The following NLK variants were observed in gnomAD, a reference collection of about 807,000 sequenced individuals.
NLK encodes the protein serine/threonine-protein kinase NLK.
Under a neutral mutation model 59.0 loss-of-function variants are expected in NLK, and 11 were observed. The ratio of observed to expected loss-of-function variants is 0.19; its 90% confidence interval spans 0.12 to 0.31. NLK has a LOEUF of 0.31. NLK is among the 10% of genes least tolerant of loss of function. The pLI is 1.00. For missense variants in NLK, 410 were observed against 661.1 expected, an observed-to-expected ratio of 0.62 and a Z score of 4.16; for synonymous variants, 235 against 235.9, an observed-to-expected ratio of 1.00 and a Z score of 0.03.
intron 1 of NLK, 69 bp from the exon 2 acceptor site, chr17:28,122,534 T>C (rs1013798953): frequency 1.2e-5 from 18 of 1,532,668 alleles, no homozygotes; most frequent in South Asian, 1.1e-4. Context: ...ATCTGAAACA[T>C]TGGAAAACAA....
intron 2 of NLK, among the ~76,000 whole-genome samples, chr17:28,129,659 C>T (rs890846874): frequency 2.6e-5 from 4 of 151,998 alleles, no homozygotes; most frequent in African/African-American, 9.7e-5. Context: ...AAAAGAGTAG[C>T]TCCTTTGCTA....
intron 4 of NLK, among the ~76,000 whole-genome samples, chr17:28,162,345 C>A (rs1463607433): frequency 2.0e-5 from 3 of 152,086 alleles, no homozygotes; most frequent in Non-Finnish European, 4.4e-5. Context: ...AAAAAACTCA[C>A]CTCCAGGCCA....
In NLK at chr17:28,195,508, CT is replaced by C. The variant is rs886630685; in HGVS notation, c.*876del. 3 of 152,146 alleles carry C rather than the reference CT, an allele frequency of 2.0e-5. No individual in the cohort carries two copies. Among genetic ancestry groups the C allele is most frequent in the Admixed American group, 2.0e-4 (3 of 15,218 alleles). 9.4% of individuals were successfully genotyped at this position (152,146 alleles called of 1,614,324 possible). A position where few individuals can be genotyped will look rare whatever the true frequency, so the allele number is the denominator to read the frequency against. ...TTTAGGTCTGTGAAATTTTGTGAGA[CT>C]TTTCCTGCACTGGACAGTAAAAAAA... On this transcript the variant is annotated 3_prime_UTR_variant, in exon 11 of 11. Transcript: ENST00000407008.
At chr17:28,145,762 G>A (rs1267443187) in intron 3 of NLK, among the ~76,000 whole-genome samples, 1 of 151,966 alleles carries the variant, frequency 6.6e-6, no homozygotes, top group Non-Finnish European at 1.5e-5. Context: ...CTGGAGTGCA[G>A]TGGCATGATC....
intron 1 of NLK, among the ~76,000 whole-genome samples, chr17:28,082,257 A>C (rs547013691): frequency 1.3e-5 from 2 of 152,208 alleles, no homozygotes; most frequent in African/African-American, 4.8e-5. Flanking sequence ...TCCATCTGCA[A>C]CTTATTAAGA....
intron 1 of NLK, among the ~76,000 whole-genome samples, chr17:28,064,174 CTTTT>C (rs66949112): frequency 1.0e-5 from 1 of 99,606 alleles, no homozygotes; most frequent in Admixed American, 1.2e-4. Flanking sequence ...AGTTAGCAAA[CTTTT>C]TTTTTTTTTT....
chr17:28,159,343 T>C (rs954499793), intron 3 of NLK, among the ~76,000 whole-genome samples: 5 of 152,168 alleles, frequency 3.3e-5, no homozygotes, highest in Non-Finnish European at 7.3e-5. Flanking sequence ...ATGCATCCAG[T>C]TTTGGATGAA....
rs137866267 is a variant in NLK at position 28,043,060 on chromosome 17, C to G, written c.187C>G (p.Pro63Ala). 5.1e-6 allele frequency: 8 copies of G among 1,564,752 alleles called. No individual in the cohort carries two copies. The highest frequency in any genetic ancestry group is 3.9e-5 in the Admixed American group (2 of 51,566). Residue 63 changes from proline (P) to alanine (A), a missense_variant, in exon 1 of 11, where the codon CCT (proline) becomes GCT (alanine). This residue lies in a region of NLK where 160 missense variants were observed against 171.0 expected (regional missense o/e 0.94). Transcript: ENST00000407008. ...LHPGSAAAVHPVQQHTSSAAA... is the reference protein window; with the variant it reads ...LHPGSAAAVHAVQQHTSSAAA... ...TCCGGGGTCGGCTGCCGCTGTACAC[C>G]CTGTACAGCAGCACACCTCTTCGGC...
chr17:28,154,200 C>T (rs1180601707), intron 3 of NLK, among the ~76,000 whole-genome samples: 1 of 152,168 alleles, frequency 6.6e-6, no homozygotes, highest in Non-Finnish European at 1.5e-5. Flanking sequence ...CAGAAAGTCT[C>T]AGGAATTGGA....
chr17:28,084,616 T>C (rs893503154), intron 1 of NLK, among the ~76,000 whole-genome samples: 1 of 151,820 alleles, frequency 6.6e-6, no homozygotes, highest in Non-Finnish European at 1.5e-5. Context: ...CAGGCTGGAG[T>C]GCGGTGGCGC....
intron 1 of NLK, among the ~76,000 whole-genome samples, chr17:28,063,355 T>G (rs1909729705): frequency 1.3e-5 from 2 of 152,194 alleles, no homozygotes. Flanking sequence ...TGTTGGATAC[T>G]TCAGTTTATA....
At chr17:28,202,049 T>G in the NLK span, among the ~76,000 whole-genome samples, 1 of 151,908 alleles carries the variant, frequency 6.6e-6, no homozygotes, top group South Asian at 2.1e-4. Flanking sequence ...TGATATTGAT[T>G]GATAGAGAAA....
intron 1 of NLK, among the ~76,000 whole-genome samples, chr17:28,116,059 T>C (rs954124318): frequency 1.3e-5 from 2 of 152,168 alleles, no homozygotes; most frequent in African/African-American, 4.8e-5. Flanking sequence ...ATTTCACCTA[T>C]TTATACTTAT....
At chr17:28,184,371 A>G (rs1445701904) in intron 7 of NLK, among the ~76,000 whole-genome samples, 2 of 152,124 alleles carry the variant, frequency 1.3e-5, no homozygotes, top group African/African-American at 2.4e-5. Context: ...GGCATGTTTG[A>G]TTATCATTCT....
chr17:28,180,719 G>A (rs552919404), intron 7 of NLK, among the ~76,000 whole-genome samples: 2 of 152,276 alleles, frequency 1.3e-5, no homozygotes, highest in African/African-American at 2.4e-5. Flanking sequence ...TCAATTGTAC[G>A]AATTGTCTGG....
chr17:28,186,705 T>C (rs1335652056), intron 8 of NLK, among the ~76,000 whole-genome samples: 1 of 152,150 alleles, frequency 6.6e-6, no homozygotes, highest in Non-Finnish European at 1.5e-5. Context: ...ATGAGACTTA[T>C]TCACTATCAC....
intron 1 of NLK, among the ~76,000 whole-genome samples, chr17:28,097,929 T>C (rs1904759710): frequency 1.3e-5 from 2 of 152,226 alleles, no homozygotes; most frequent in South Asian, 4.1e-4. Context: ...TTTTTTTCTT[T>C]AAGTGAATGT....
At position 28,175,433 on chromosome 17, in the gene NLK, A is replaced by G. The variant is rs564872623; in HGVS notation, c.1149+2815A>G. On this transcript the variant is annotated intron_variant, in intron 7 of 10. Transcript: ENST00000407008. ...GCCACTGCACTCCAGCCTGGGCGACACAGCAAGACTTCGTCTCAAAAAAAA... is the reference window on the plus strand; with the variant it reads ...GCCACTGCACTCCAGCCTGGGCGACGCAGCAAGACTTCGTCTCAAAAAAAA... 3.3e-5 allele frequency among the ~76,000 whole-genome samples: 5 copies of G among 151,606 alleles called. No homozygotes were observed. The South Asian group carries it at 8.4e-4, about 25-fold the overall frequency.
intron 1 of NLK, among the ~76,000 whole-genome samples, chr17:28,065,255 G>GTTT (rs1323060229): frequency 1.3e-5 from 2 of 152,074 alleles, no homozygotes; most frequent in Non-Finnish European, 2.9e-5. Flanking sequence ...TGGCAGTGTA[G>GTTT]TTTTTTTCTA....
Sources: gnomAD v4.1 joint callset for allele counts (sites outside exome capture counted in the v4.1 genomes callset) on GRCh38, gnomAD v4.1.1 for gene constraint, gnomAD v4.1.1 regional missense constraint, MANE v1.5 for transcripts, NCBI Gene and HGNC (gene_info 2026-07-23, HGNC 2026-07-21) for gene names.